Variants in DOCK4 observed in about 807,000 individuals in gnomAD.
DOCK4 encodes the protein dedicator of cytokinesis protein 4.
DOCK4 carries 97 observed loss-of-function variants against 268.1 expected under a neutral mutation model. That is an observed-to-expected ratio of 0.36 (90% CI 0.31 to 0.43). DOCK4 has a LOEUF of 0.43. DOCK4 is among the 20% of genes least tolerant of loss of function. The pLI, the probability that DOCK4 is intolerant of heterozygous loss-of-function variation, is 1.00. For missense variants in DOCK4, 2,145 were observed against 2,455.7 expected (o/e 0.87, Z 2.67); for synonymous variants, 954 against 887.2 (o/e 1.08, Z -1.34).
At chr7:112,175,644 C>T (rs926873877) in intron 1 of DOCK4, among the ~76,000 whole-genome samples, 5 of 151,836 alleles carry the variant, frequency 3.3e-5, no homozygotes, top group African/African-American at 1.2e-4. Context: ...TTGTTGTATA[C>T]AATTGATAAA....
intron 11 of DOCK4, 83 bp downstream of exon 11, chr7:111,940,027 C>A (rs770971959): frequency 3.3e-5 from 46 of 1,404,286 alleles, no homozygotes; most frequent in Middle Eastern, 4.2e-4. Context: ...TCTTCTCTAC[C>A]CACCTAAAGT....
intron 8 of DOCK4, among the ~76,000 whole-genome samples, chr7:111,958,852 T>C (rs1485378113): frequency 1.3e-5 from 2 of 152,336 alleles, no homozygotes; most frequent in Non-Finnish European, 2.9e-5. Flanking sequence ...AGCATTTCTT[T>C]GCTTGTTGTG....
intron 8 of DOCK4, chr7:111,971,986 T>G (rs1797751341): frequency 6.3e-6 from 1 of 159,884 alleles, no homozygotes; most frequent in African/African-American, 2.4e-5. Flanking sequence ...TTCTTCCTCT[T>G]GGCCTTCTTT....
At chr7:112,149,045 T>G (rs138098865) in intron 1 of DOCK4, among the ~76,000 whole-genome samples, 3 of 152,306 alleles carry the variant, frequency 2.0e-5, no homozygotes, top group African/African-American at 7.2e-5. Context: ...TCCTAATTAT[T>G]TGAACTTTTA....
At chr7:111,926,897 AGAAG>A (rs1390246113) in intron 12 of DOCK4, among the ~76,000 whole-genome samples, 3 of 147,124 alleles carry the variant, frequency 2.0e-5, no homozygotes, top group South Asian at 4.2e-4. Context: ...AAGGAAGGAA[AGAAG>A]GAAGAAAGAA....
intron 16 of DOCK4, among the ~76,000 whole-genome samples, chr7:111,882,889 G>A (rs566645374): frequency 5.9e-5 from 9 of 152,224 alleles, no homozygotes; most frequent in African/African-American, 1.9e-4. Flanking sequence ...GATTACAGGC[G>A]TGAGCCACCA....
chr7:112,156,316 A>G (rs551576795), intron 1 of DOCK4, among the ~76,000 whole-genome samples: 3 of 152,238 alleles, frequency 2.0e-5, no homozygotes, highest in African/African-American at 7.2e-5. Context: ...TTAGCGGCCA[A>G]TTATGAGATA....
intron 1 of DOCK4, among the ~76,000 whole-genome samples, chr7:112,028,366 C>G (rs185282343): frequency 6.6e-6 from 1 of 152,026 alleles, no homozygotes; most frequent in Non-Finnish European, 1.5e-5. Context: ...ATTCTTATTC[C>G]TAAAGGGAAA....
intron 1 of DOCK4, among the ~76,000 whole-genome samples, chr7:112,130,155 A>T (rs1444865133): frequency 6.6e-6 from 1 of 152,168 alleles, no homozygotes; most frequent in African/African-American, 2.4e-5. Context: ...AGGAAAGAGC[A>T]ATCCAGGAAG....
intron 1 of DOCK4, among the ~76,000 whole-genome samples, chr7:112,119,927 A>C (rs1415780547): frequency 2.7e-5 from 4 of 150,660 alleles, no homozygotes; most frequent in African/African-American, 9.8e-5. Flanking sequence ...GGCTCACTGC[A>C]ACCTTCGCCT....
chr7:112,158,221 A>G lies in DOCK4; in HGVS notation c.37+47881T>C, dbSNP rs970309954. ...GGTCTTGGGAATAATACATTTAGGA[A>G]CCATTTACTAGGGTGATGCCCAAGT... On this transcript the variant is annotated intron_variant, in intron 1 of 52. Transcript: ENST00000428084. 2.8e-4 allele frequency among the ~76,000 whole-genome samples: 42 copies of G among 152,168 alleles called. 1 individual carries two copies. The highest frequency in any genetic ancestry group is 9.9e-4 in the African/African-American group (41 of 41,450).
rs1333118486 is a variant in DOCK4, at chr7:111,726,716, AT to A, written c.*1557del. ...AATATTCTTTTTCCATACGTAAAGT[AT>A]TTGGCATAATTATAACAATCATACT... is the stretch of plus-strand genomic sequence containing the variant. On this transcript the variant is annotated 3_prime_UTR_variant, in exon 53 of 53. Coordinates refer to ENST00000428084, the MANE Select transcript of DOCK4 (RefSeq NM_001363540.2). The A allele has an allele frequency of 6.6e-6, 1 of 152,650 alleles. No individual in the cohort carries two copies. The highest frequency in any genetic ancestry group is 1.5e-5 in the Non-Finnish European group (1 of 68,020). 9.5% of individuals were successfully genotyped at this position (152,650 alleles called of 1,614,324 possible).
intron 1 of DOCK4, among the ~76,000 whole-genome samples, chr7:112,099,590 G>A (rs1563083204): frequency 2.6e-5 from 4 of 152,164 alleles, no homozygotes; most frequent in Non-Finnish European, 4.4e-5. Flanking sequence ...CACATGGTCA[G>A]TATTCATTAA....
At chr7:111,901,848 A>G in intron 13 of DOCK4, 47 bp from the exon 14 acceptor site, 1 of 1,418,328 alleles carries the variant, frequency 7.1e-7, no homozygotes, top group Non-Finnish European at 9.7e-7. Flanking sequence ...ATATGAGGAA[A>G]TGTAATAAAG....
At chr7:112,096,718 A>T (rs1810176158) in intron 1 of DOCK4, among the ~76,000 whole-genome samples, 1 of 152,204 alleles carries the variant, frequency 6.6e-6, no homozygotes, top group Non-Finnish European at 1.5e-5. Flanking sequence ...GCATTCTAGA[A>T]TGAGTGAGAT....
chr7:112,102,035 T>C (rs898471109), intron 1 of DOCK4, among the ~76,000 whole-genome samples: 2 of 152,134 alleles, frequency 1.3e-5, no homozygotes, highest in Non-Finnish European at 2.9e-5. Context: ...GGTTTCACCA[T>C]GTTAGCAAGG....
At position 111,901,698 on chromosome 7, in the gene DOCK4, G is replaced by A. The variant is rs370218569; in HGVS notation, c.1296C>T (p.Asp432=). The part of the protein sequence containing the change: ...RNVEVTMFIV[D]SSGQTLKDFI... ...ATACCTTCAGGGTTTGGCCACTACTGTCTACAATGAACATCGTAACTTCCA... is the reference window on the plus strand; with the variant it reads ...ATACCTTCAGGGTTTGGCCACTACTATCTACAATGAACATCGTAACTTCCA... Residue 432 remains aspartate (D), a synonymous_variant, in exon 14 of 53, where the codon GAC becomes GAT. Coordinates refer to ENST00000428084, the MANE Select transcript of DOCK4 (RefSeq NM_001363540.2). 7 of 1,613,594 alleles carry A rather than the reference G, an allele frequency of 4.3e-6. No homozygotes were observed. Among genetic ancestry groups the A allele is most frequent in the Non-Finnish European group, 5.1e-6 (6 of 1,179,794 alleles).
intron 1 of DOCK4, among the ~76,000 whole-genome samples, chr7:112,034,077 A>C (rs1803521594): frequency 6.6e-6 from 1 of 152,110 alleles, no homozygotes. Flanking sequence ...ATACAGAGAG[A>C]GCTGTTCATG....
At chr7:111,832,362 C>G (rs1433129905) in intron 26 of DOCK4, among the ~76,000 whole-genome samples, 1 of 152,100 alleles carries the variant, frequency 6.6e-6, no homozygotes, top group East Asian at 1.9e-4. Context: ...GTGCTCATGC[C>G]CATTATTTGC....
Sources: allele counts gnomAD v4.1 joint callset (sites outside exome capture counted in the v4.1 genomes callset), GRCh38; gene constraint gnomAD v4.1.1; transcripts MANE v1.5; gene names NCBI Gene and HGNC (gene_info 2026-07-23, HGNC 2026-07-21).